The following EVPL variants were observed in gnomAD, a reference collection of about 807,000 sequenced individuals.
EVPL encodes the protein 210 kDa cornified envelope precursor protein.
In EVPL, 94 loss-of-function variants were observed where a neutral mutation model predicts 129.7. That is an observed-to-expected ratio of 0.72 (90% CI 0.61 to 0.86). The LOEUF is 0.86. Ranked by LOEUF, EVPL falls within the 40% of genes least tolerant of loss-of-function variation. The probability of loss-of-function intolerance (pLI) is 0.00; values close to 1 mark genes in which losing one functional copy is unlikely to be tolerated. For missense variants in EVPL, 2,625 were observed against 2,721.1 expected (o/e 0.96, Z 0.79); for synonymous variants, 1,172 against 1,191.1 (o/e 0.98, Z 0.33).
chr17:76,008,977 G>C lies in EVPL; in HGVS notation c.4228C>G (p.Gln1410Glu), dbSNP rs776088543. 5.0e-6 allele frequency: 8 copies of C among 1,611,642 alleles called. No individual in the cohort carries two copies. The South Asian group carries it at 8.8e-5, about 18-fold the overall frequency. ...GRRRQLELEV[Q>E]QLRAGVEEQE... The stretch of plus-strand genomic sequence containing the variant: ...TCCTCCACGCCGGCCCGCAGCTGCT[G>C]CACCTCAAGCTCTAGCTGGCGCCGC... The change falls in exon 22 of 22, where the codon CAG (glutamine) becomes GAG (glutamate). Residue 1410 changes from glutamine to glutamate, a missense_variant. Gln to Glu is a conservative substitution (Grantham distance 29). Around this residue, in one of 4 missense-constraint regions of EVPL, gnomAD observed 1,453 missense variants for 1,511.8 expected, o/e 0.96. Coordinates refer to ENST00000301607, the MANE Select transcript of EVPL (RefSeq NM_001988.4). The surrounding 1 kb of genome is among the most constrained non-coding windows in gnomAD (Gnocchi z 7.4).
chr17:76,014,528 G>T lies in EVPL; in HGVS notation c.2271C>A (p.Asn757Lys). The T allele has an allele frequency of 6.2e-7, 1 of 1,612,192 alleles. No homozygotes were observed. The highest frequency in any genetic ancestry group is 1.3e-5 in the African/African-American group (1 of 74,970). ...DAALTYQQFK[N>K]CKDNLSSWLE... ...GCCAGGAGCTCAGGTTATCCTTGCA[G>T]TTCTTGAACTGCTGGTAGGTGAGGG... Residue 757 changes from asparagine to lysine, a missense_variant, in exon 18 of 22, where the codon AAC becomes AAA. Physicochemically the swap from Asn to Lys is moderately conservative, Grantham distance 94 (BLOSUM62 0). This residue lies in a region of EVPL where 1,024 missense variants were observed against 997.5 expected (regional missense o/e 1.03). Transcript: ENST00000301607.
intron 13 of EVPL, 79 bp downstream of exon 13, chr17:76,018,082 G>A (rs1005045067): frequency 3.2e-6 from 5 of 1,540,354 alleles, no homozygotes; most frequent in Non-Finnish European, 4.4e-6. Context: ...GGCGACCCCT[G>A]CCCATCACAG....
rs2066320001 is a variant in EVPL, at chr17:76,006,900, C to T, written c.*203G>A. On this transcript the variant is annotated 3_prime_UTR_variant, in exon 22 of 22. Transcript: ENST00000301607. ...TCACTGGGTGGAGGTGGAGGAAGAACTGAGTGGCTGCTGTCCTGGTCTGGG... is the reference window on the plus strand; with the variant it reads ...TCACTGGGTGGAGGTGGAGGAAGAATTGAGTGGCTGCTGTCCTGGTCTGGG... 1 of 463,960 alleles carries T rather than the reference C, an allele frequency of 2.2e-6. No homozygotes were observed. Among genetic ancestry groups the T allele is most frequent in the African/African-American group, 2.0e-5 (1 of 50,164 alleles). 28.7% of individuals were successfully genotyped at this position (463,960 alleles called of 1,614,324 possible). A position where few individuals can be genotyped will look rare whatever the true frequency, so the allele number is the denominator to read the frequency against.
At position 76,008,257 on chromosome 17, in the gene EVPL, CCTT is replaced by C; in HGVS notation, c.4945_4947del (p.Lys1649del). The C allele has an allele frequency of 1.2e-6, 2 of 1,613,278 alleles. No homozygotes were observed. The highest frequency in any genetic ancestry group is 1.7e-6 in the Non-Finnish European group (2 of 1,179,992). ...GTCCGCTCCTTCTCGTAGATCTGGT[CCTT>C]CTCGCGGAGGATGGCCGCCTCCAGC... On this transcript the variant is annotated inframe_deletion, in exon 22 of 22. Coordinates refer to ENST00000301607, the MANE Select transcript of EVPL (RefSeq NM_001988.4). The surrounding 1 kb of genome is among the most constrained non-coding windows in gnomAD (Gnocchi z 7.4).
At chr17:76,019,447 G>T in intron 10 of EVPL, 81 bp downstream of exon 10, 1 of 1,475,890 alleles carries the variant, frequency 6.8e-7, no homozygotes, top group Non-Finnish European at 9.0e-7. Flanking sequence ...AGGTACCAAG[G>T]CAGAAGGGGT....
Position 76,022,577 on chromosome 17 carries a change from G to A in EVPL, c.481-39C>T, listed in dbSNP as rs571700995. ...GGCGGCTCAGTCCCCAAAGGACCGCGGTGGGGAGCCAGAGAACCCCACACG... is the reference window on the plus strand; with the variant it reads ...GGCGGCTCAGTCCCCAAAGGACCGCAGTGGGGAGCCAGAGAACCCCACACG... On this transcript the variant is annotated intron_variant, in intron 4 of 21. Transcript: ENST00000301607. This position sits in a 1 kb window ranked among gnomAD's most constrained non-coding sequence, Gnocchi z 5.6. The A allele has an allele frequency of 2.6e-4, 411 of 1,561,016 alleles. No individual in the cohort carries two copies. Among genetic ancestry groups the A allele is most frequent in the Admixed American group, 3.5e-4 (18 of 52,094 alleles).
At chr17:76,014,784 T>TG (rs1307201839) in intron 17 of EVPL, 132 bp downstream of exon 17, 1 of 1,141,414 alleles carries the variant, frequency 8.8e-7, no homozygotes, top group Non-Finnish European at 1.2e-6. Context: ...GTGCTGTTGT[T>TG]ATCCCATTTT....
intron 18 of EVPL, among the ~76,000 whole-genome samples, chr17:76,012,583 C>T (rs935337430): frequency 2.6e-5 from 4 of 151,968 alleles, no homozygotes; most frequent in Admixed American, 1.3e-4. Context: ...GCATGAGCCA[C>T]CTTTCTTTGG....
At position 76,014,497 on chromosome 17, in the gene EVPL, G is replaced by T; in HGVS notation, c.2302C>A (p.His768Asn). Residue 768 changes from histidine to asparagine, a missense_variant, in exon 18 of 22, where the codon CAC (histidine) becomes AAC (asparagine). By Grantham distance (68) the His-to-Asn change is moderately conservative. This residue lies in a region of EVPL where 1,024 missense variants were observed against 997.5 expected (regional missense o/e 1.03). Transcript: ENST00000301607. ...CKDNLSSWLE[H>N]LPRSQVRPSD... ...GGCCGCACCTGGCTGCGGGGCAGGT[G>T]CTCCAGCCAGGAGCTCAGGTTATCC... is the stretch of plus-strand genomic sequence containing the variant. 1 of 1,612,080 alleles carries T rather than the reference G, an allele frequency of 6.2e-7. No homozygotes were observed. Among genetic ancestry groups the T allele is most frequent in the Non-Finnish European group, 8.5e-7 (1 of 1,179,538 alleles).
Position 76,008,669 on chromosome 17 carries a change from G to T in EVPL, c.4536C>A (p.Ala1512=). ...LQVQIDVLQK[A]KSQEKTIYKE... ...TGTAGATGGTCTTCTCCTGCGATTT[G>T]GCTTTCTGGAGGACGTCAATCTGGA... The change falls in exon 22 of 22, where the codon GCC becomes GCA. Residue 1512 remains alanine (A), a synonymous_variant. Transcript: ENST00000301607. This position sits in a 1 kb window ranked among gnomAD's most constrained non-coding sequence, Gnocchi z 7.4. 1 of 1,612,816 alleles carries T rather than the reference G, an allele frequency of 6.2e-7. No individual in the cohort carries two copies.
chr17:76,019,558 G>A lies in EVPL; in HGVS notation c.1107C>T (p.Gly369=), dbSNP rs137892588. ...KYSPAPGGPP[G]APTELLQQLE... is the part of the protein sequence containing the mutation. ...GCTGTTGCAGCAGCTCTGTGGGGGC[G>A]CCAGGGGGGCCCCCAGGTGCAGGGC... Residue 369 remains glycine, a synonymous_variant, in exon 10 of 22, where the codon GGC becomes GGT. Coordinates refer to ENST00000301607, the MANE Select transcript of EVPL (RefSeq NM_001988.4). The A allele has an allele frequency of 5.3e-4, 827 of 1,573,130 alleles. No individual in the cohort carries two copies. The highest frequency in any genetic ancestry group is 6.7e-4 in the Non-Finnish European group (781 of 1,164,238).
chr17:76,014,515 G>A lies in EVPL; in HGVS notation c.2284C>T (p.Leu762=), dbSNP rs770381660. Residue 762 remains leucine, a synonymous_variant, in exon 18 of 22, where the codon CTG becomes TTG. Transcript: ENST00000301607. ...YQQFKNCKDN[L]SSWLEHLPRS... ...GGCAGGTGCTCCAGCCAGGAGCTCA[G>A]GTTATCCTTGCAGTTCTTGAACTGC... 1 of 1,612,268 alleles carries A rather than the reference G, an allele frequency of 6.2e-7. No homozygotes were observed. Among genetic ancestry groups the A allele is most frequent in the Non-Finnish European group, 8.5e-7 (1 of 1,179,630 alleles).
Position 76,009,308 on chromosome 17 carries a change from G to C in EVPL, c.3897C>G (p.Asp1299Glu). 1.9e-6 allele frequency: 3 copies of C among 1,609,574 alleles called. No individual in the cohort carries two copies. Among genetic ancestry groups the C allele is most frequent in the Non-Finnish European group, 2.5e-6 (3 of 1,179,736 alleles). The change falls in exon 22 of 22, where the codon GAC becomes GAG. Residue 1299 changes from aspartate (D) to glutamate (E), a missense_variant. Around this residue, in one of 4 missense-constraint regions of EVPL, gnomAD observed 1,453 missense variants for 1,511.8 expected, o/e 0.96. Transcript: ENST00000301607. This position sits in a 1 kb window ranked among gnomAD's most constrained non-coding sequence, Gnocchi z 5.9. ...CCTTGGCCCGCTCGCGCCTCCACTC[G>C]TCGCGCTCACCCTGCAGGCGGATGA... Reference protein sequence around the residue: ...EQLIRLQGERDEWRRERAKVE... With the variant: ...EQLIRLQGEREEWRRERAKVE...
intron 8 of EVPL, 33 bp from the exon 9 acceptor site, chr17:76,021,596 G>GCCCCCCCCCCCTGCC: frequency 7.3e-7 from 1 of 1,378,754 alleles, no homozygotes; most frequent in Non-Finnish European, 9.8e-7. Flanking sequence ...CTCGGACCAC[G>GCCCCCCCCCCCTGCC]CCCCCCCCAC....
chr17:76,010,963 G>C (rs1007732792), intron 21 of EVPL, among the ~76,000 whole-genome samples: 2 of 152,196 alleles, frequency 1.3e-5, no homozygotes, highest in Non-Finnish European at 2.9e-5. Context: ...TCAGGAGGCC[G>C]AGGCAGGAGA....
In EVPL at chr17:76,009,108, G is replaced by C; in HGVS notation, c.4097C>G (p.Pro1366Arg). 2 of 1,612,798 alleles carry C rather than the reference G, an allele frequency of 1.2e-6. No individual in the cohort carries two copies. The highest frequency in any genetic ancestry group is 2.2e-5 in the South Asian group (2 of 91,022). Residue 1366 changes from proline to arginine, a missense_variant, in exon 22 of 22, where the codon CCC (proline) becomes CGC (arginine). Physicochemically the swap from Pro to Arg is moderately radical, Grantham distance 103. Around this residue, in one of 4 missense-constraint regions of EVPL, gnomAD observed 1,453 missense variants for 1,511.8 expected, o/e 0.96. Coordinates refer to ENST00000301607, the MANE Select transcript of EVPL (RefSeq NM_001988.4). The surrounding 1 kb of genome is among the most constrained non-coding windows in gnomAD (Gnocchi z 5.9). ...SKRLLLERRK[P>R]EEKVVVQEVV... ...CTCCTGCACCACCACCTTCTCCTCG[G>C]GCTTCCTCCTCTCCAGCAGCAGGCG... is the stretch of plus-strand genomic sequence containing the variant.
intron 9 of EVPL, among the ~76,000 whole-genome samples, chr17:76,020,178 A>T (rs980043126): frequency 6.6e-6 from 1 of 152,212 alleles, no homozygotes; most frequent in African/African-American, 2.4e-5. Context: ...AGATAAACCT[A>T]AACCAGCTAA....
At chr17:76,015,675 C>G in intron 14 of EVPL, 47 bp from the exon 15 acceptor site, 2 of 1,566,158 alleles carry the variant, frequency 1.3e-6, no homozygotes, top group South Asian at 2.3e-5. Context: ...GGGTTCCGCC[C>G]GACTCTTCTA....
chr17:76,008,166 GTC>G lies in EVPL; in HGVS notation c.5037_5038del (p.Glu1679AspfsTer43). Reference sequence around the variant, plus strand: ...GATGGAGATCTTGGTGGAAAGGTTGGTCTCTCGCGTCTGGGTCTCCTGGCTGA... The same window carrying G: ...GATGGAGATCTTGGTGGAAAGGTTGGTCTCGCGTCTGGGTCTCCTGGCTGA... On this transcript the variant is annotated frameshift_variant, in exon 22 of 22. Coordinates refer to ENST00000301607, the MANE Select transcript of EVPL (RefSeq NM_001988.4). LOFTEE classifies it high-confidence loss of function. This position sits in a 1 kb window ranked among gnomAD's most constrained non-coding sequence, Gnocchi z 7.4. 1.2e-6 allele frequency: 2 copies of G among 1,614,124 alleles called. No individual in the cohort carries two copies. The highest frequency in any genetic ancestry group is 1.1e-5 in the South Asian group (1 of 91,088).
Sources: gnomAD v4.1 joint callset for allele counts (sites outside exome capture counted in the v4.1 genomes callset) on GRCh38, gnomAD v4.1.1 for gene constraint, gnomAD v4.1.1 regional missense constraint, Gnocchi (gnomAD v3.1) non-coding constraint, MANE v1.5 for transcripts, NCBI Gene and HGNC (gene_info 2026-07-23, HGNC 2026-07-21) for gene names.